Variants in CAST observed in about 807,000 individuals in gnomAD.
CAST encodes calpastatin.
Under a neutral mutation model 119.6 loss-of-function variants are expected in CAST, and 76 were observed. That is an observed-to-expected ratio of 0.64 (90% CI 0.53 to 0.77). The LOEUF is 0.77. Ranked by LOEUF, CAST falls within the 30% of genes least tolerant of loss-of-function variation. The probability of loss-of-function intolerance (pLI) is 0.00; values close to 1 mark genes in which losing one functional copy is unlikely to be tolerated. For synonymous variants in CAST, 319 were observed against 331.6 expected, an observed-to-expected ratio of 0.96 and a Z score of 0.41; for missense variants, 953 against 946.5, an observed-to-expected ratio of 1.01 and a Z score of -0.09.
the CAST span, among the ~76,000 whole-genome samples, chr5:96,140,679 C>T: frequency 6.6e-5 from 10 of 152,196 alleles, no homozygotes; most frequent in East Asian, 9.7e-4. Flanking sequence ...TTGGTTGGTG[C>T]GAGAGTTATG....
chr5:96,023,937 C>T, the CAST span, among the ~76,000 whole-genome samples: 1 of 152,080 alleles, frequency 6.6e-6, no homozygotes. Context: ...ACATATGCAA[C>T]ACACAATGCA....
chr5:96,270,554 C>T, the CAST span, among the ~76,000 whole-genome samples: 11 of 152,194 alleles, frequency 7.2e-5, no homozygotes, highest in South Asian at 2.1e-4. Context: ...ATGTTCTTTG[C>T]GGGGACATGG....
chr5:96,618,980 A>G (rs1428828847), intron 1 of CAST, among the ~76,000 whole-genome samples: 2 of 152,174 alleles, frequency 1.3e-5, no homozygotes, highest in Non-Finnish European at 2.9e-5. Flanking sequence ...TTGTAAATGC[A>G]CCAATCAGCA....
At chr5:96,567,006 G>C (rs1242962499) in intron 1 of CAST, among the ~76,000 whole-genome samples, 4 of 152,208 alleles carry the variant, frequency 2.6e-5, no homozygotes, top group Non-Finnish European at 5.9e-5. Flanking sequence ...TGCACAAGAA[G>C]GGCCACGAGG....
chr5:96,363,165 G>T, the CAST span, among the ~76,000 whole-genome samples: 1 of 149,388 alleles, frequency 6.7e-6, no homozygotes, highest in Non-Finnish European at 1.5e-5. Flanking sequence ...TATTATTTCT[G>T]AGGGCTCTGT....
chr5:96,249,837 T>C, the CAST span, among the ~76,000 whole-genome samples: 1 of 152,214 alleles, frequency 6.6e-6, no homozygotes, highest in African/African-American at 2.4e-5. Context: ...AACTGCCTCA[T>C]TCAATGTTTT....
intron 1 of CAST, among the ~76,000 whole-genome samples, chr5:96,672,706 C>CAAAAAAAAAAA (rs11427288): frequency 1.7e-5 from 1 of 59,172 alleles, no homozygotes; most frequent in African/African-American, 6.2e-5. Flanking sequence ...GACTCAGTCT[C>CAAAAAAAAAAA]AAAAAAAAAA....
intron 1 of CAST, among the ~76,000 whole-genome samples, chr5:96,595,534 C>T (rs1747038027): frequency 6.6e-6 from 1 of 152,092 alleles, no homozygotes; most frequent in Admixed American, 6.5e-5. Flanking sequence ...AACAAGACCT[C>T]GAAAGGACCA....
At chr5:96,708,285 C>T (rs2150346441) in intron 3 of CAST, among the ~76,000 whole-genome samples, 1 of 152,150 alleles carries the variant, frequency 6.6e-6, no homozygotes, top group South Asian at 2.1e-4. Context: ...TTTCAGGATT[C>T]TTCCCTTTCA....
the CAST span, among the ~76,000 whole-genome samples, chr5:96,014,995 G>A: frequency 6.6e-6 from 1 of 152,038 alleles, no homozygotes. Flanking sequence ...AGCTTTTTAA[G>A]TCCTCACCAC....
chr5:96,410,037 A>T, the CAST span, among the ~76,000 whole-genome samples: 2 of 152,170 alleles, frequency 1.3e-5, no homozygotes, highest in Admixed American at 1.3e-4. Flanking sequence ...TACTTTAGCT[A>T]GTTGGTCCTT....
intron 6 of CAST, among the ~76,000 whole-genome samples, chr5:96,727,974 G>A (rs17086598): frequency 0.013 from 1,926 of 152,130 alleles, 46 homozygotes; most frequent in African/African-American, 0.044. Context: ...TGGGTTTATC[G>A]TGACAGTCTT....
chr5:96,454,562 C>T, the CAST span, among the ~76,000 whole-genome samples: 1 of 152,182 alleles, frequency 6.6e-6, no homozygotes, highest in African/African-American at 2.4e-5. Flanking sequence ...CTTCGCCATA[C>T]ACATCAAGGC....
chr5:96,533,607 G>A (rs1020353776), intron 1 of CAST, among the ~76,000 whole-genome samples: 4 of 152,040 alleles, frequency 2.6e-5, no homozygotes, highest in East Asian at 3.8e-4. Context: ...AGCAAACCAC[G>A]GCATGGTGGT....
intron 1 of CAST, among the ~76,000 whole-genome samples, chr5:96,550,166 A>G (rs1002238737): frequency 6.6e-6 from 1 of 152,200 alleles, no homozygotes; most frequent in African/African-American, 2.4e-5. Flanking sequence ...GGGCCGACAG[A>G]CACCTCATAC....
At chr5:96,570,569 T>A (rs567161225) in intron 1 of CAST, among the ~76,000 whole-genome samples, 1 of 151,944 alleles carries the variant, frequency 6.6e-6, no homozygotes, top group Non-Finnish European at 1.5e-5. Context: ...AAAAGAGACA[T>A]TTGAGCGGAT....
At chr5:96,447,490 TCA>T in the CAST span, among the ~76,000 whole-genome samples, 1 of 152,002 alleles carries the variant, frequency 6.6e-6, no homozygotes, top group African/African-American at 2.4e-5. Context: ...ATCCACACAC[TCA>T]CACACATCCA....
chr5:96,037,486 T>C, the CAST span, among the ~76,000 whole-genome samples: 1 of 152,172 alleles, frequency 6.6e-6, no homozygotes, highest in Non-Finnish European at 1.5e-5. Flanking sequence ...CCTCCAGAAG[T>C]TAAATAACTT....
At chr5:96,617,523 C>G (rs995070460) in intron 1 of CAST, among the ~76,000 whole-genome samples, 3 of 152,010 alleles carry the variant, frequency 2.0e-5, no homozygotes, top group Admixed American at 2.0e-4. Flanking sequence ...GGCACGGTGG[C>G]TCATGCCTGT....
Sources: gnomAD v4.1 joint callset for allele counts (sites outside exome capture counted in the v4.1 genomes callset) on GRCh38, gnomAD v4.1.1 for gene constraint, MANE v1.5 for transcripts, NCBI Gene and HGNC (gene_info 2026-07-23, HGNC 2026-07-21) for gene names.